Variants in ZMAT4 observed in about 807,000 individuals in gnomAD.
The protein encoded by ZMAT4 is zinc finger matrin-type protein 4.
Under a neutral mutation model 28.7 loss-of-function variants are expected in ZMAT4, and 17 were observed. The observed-to-expected ratio is 0.59, with a 90% CI of 0.41 to 0.89. The LOEUF (loss-of-function observed/expected upper bound fraction) is 0.89, where lower values mean the gene tolerates loss of function less well. Among genes scored for constraint, ZMAT4 ranks in the 40% least tolerant of loss-of-function variants. The pLI, the probability that ZMAT4 is intolerant of heterozygous loss-of-function variation, is 0.00. For synonymous variants in ZMAT4, 117 were observed against 109.2 expected (o/e 1.07, Z -0.44); for missense variants, 240 against 283.8 (o/e 0.85, Z 1.11).
At chr8:40,753,477 GC>G (rs1812541928) in intron 3 of ZMAT4, among the ~76,000 whole-genome samples, 2 of 152,040 alleles carry the variant, frequency 1.3e-5, no homozygotes, top group African/African-American at 4.8e-5. Context: ...TTTATTCTAA[GC>G]TTTCCACTAT....
chr8:40,549,600 G>T (rs147294039), intron 6 of ZMAT4, among the ~76,000 whole-genome samples: 22 of 152,232 alleles, frequency 1.4e-4, no homozygotes, highest in African/African-American at 4.6e-4. Flanking sequence ...TGGTGATCCA[G>T]TGATGTTAAT....
chr8:40,716,047 A>G (rs923562044), intron 3 of ZMAT4, among the ~76,000 whole-genome samples: 4 of 152,192 alleles, frequency 2.6e-5, no homozygotes, highest in African/African-American at 4.8e-5. Context: ...TCCAATTTCC[A>G]CTGCTATCTT....
intron 5 of ZMAT4, among the ~76,000 whole-genome samples, chr8:40,631,828 T>A (rs1806594026): frequency 6.6e-6 from 1 of 152,164 alleles, no homozygotes; most frequent in African/African-American, 2.4e-5. Flanking sequence ...GTAAAAGGTG[T>A]CTGAACACAA....
At chr8:40,813,361 A>G (rs567255453) in intron 2 of ZMAT4, among the ~76,000 whole-genome samples, 1 of 152,338 alleles carries the variant, frequency 6.6e-6, no homozygotes, top group African/African-American at 2.4e-5. Flanking sequence ...TAAAATCAGG[A>G]AGGGTAAAGT....
chr8:40,680,700 GTACACACACACACACA>G (rs1809121996), intron 4 of ZMAT4, among the ~76,000 whole-genome samples: 1 of 149,094 alleles, frequency 6.7e-6, no homozygotes, highest in Admixed American at 6.7e-5. Context: ...CATGTCTAAT[GTACACACACACACACA>G]CACACACACA....
intron 1 of ZMAT4, among the ~76,000 whole-genome samples, chr8:40,879,066 A>T (rs1818135324): frequency 6.6e-6 from 1 of 152,224 alleles, no homozygotes; most frequent in Non-Finnish European, 1.5e-5. Flanking sequence ...AAACGAGGAC[A>T]GGCAATGCAC....
Position 40,736,368 on chromosome 8 carries a change from A to T in ZMAT4, c.192+31273T>A, listed in dbSNP as rs73613407. ...ACAAATGTCAGTCAGGCAATGGCAG[A>T]TATTACCCAGAACTCTTGCTTTCCT... On this transcript the variant is annotated intron_variant, in intron 3 of 6. Coordinates refer to ENST00000297737, the MANE Select transcript of ZMAT4 (RefSeq NM_024645.3). Among the ~76,000 whole-genome samples the T allele has an allele frequency of 9.3e-3, 1,412 of 152,312 alleles. 22 individuals carry two copies. The highest frequency in any genetic ancestry group is 0.032 in the African/African-American group (1,311 of 41,556).
intron 5 of ZMAT4, among the ~76,000 whole-genome samples, chr8:40,640,370 T>C (rs2599653): frequency 0.55 from 84,285 of 152,004 alleles, 24,244 homozygotes; most frequent in East Asian, 0.69. Context: ...ATTTATTTAG[T>C]GATACTTGAA....
At chr8:40,705,953 T>G (rs1431506966) in intron 3 of ZMAT4, among the ~76,000 whole-genome samples, 1 of 152,242 alleles carries the variant, frequency 6.6e-6, no homozygotes, top group Non-Finnish European at 1.5e-5. Flanking sequence ...CAATTCAGAC[T>G]ATCTGCATTT....
In ZMAT4 at chr8:40,644,385, A is replaced by C. The variant is rs552217097; in HGVS notation, c.577+30319T>G. Among the ~76,000 whole-genome samples, 60 of 152,194 alleles carry C rather than the reference A, an allele frequency of 3.9e-4. 1 individual carries two copies. Among genetic ancestry groups the C allele is most frequent in the Middle Eastern group, 6.8e-3 (2 of 294 alleles). ...ATCTTGTTGTGCTGGAAAATAAGGA[A>C]GTACAGAAAAAACCACACACACCCA... On this transcript the variant is annotated intron_variant, in intron 5 of 6. Transcript: ENST00000297737.
At chr8:40,765,632 A>G (rs1038989210) in intron 3 of ZMAT4, among the ~76,000 whole-genome samples, 1 of 152,194 alleles carries the variant, frequency 6.6e-6, no homozygotes, top group Non-Finnish European at 1.5e-5. Context: ...TGAAATCCAA[A>G]CATCTTTCCC....
intron 5 of ZMAT4, among the ~76,000 whole-genome samples, chr8:40,642,368 A>G (rs1482179913): frequency 6.6e-6 from 1 of 152,188 alleles, no homozygotes; most frequent in Non-Finnish European, 1.5e-5. Flanking sequence ...AGAGTAGGAA[A>G]AATAATTAAA....
intron 3 of ZMAT4, among the ~76,000 whole-genome samples, chr8:40,764,301 T>C (rs989265436): frequency 6.6e-6 from 1 of 152,118 alleles, no homozygotes; most frequent in African/African-American, 2.4e-5. Flanking sequence ...ATTCTAAAGA[T>C]AAAAGCATGT....
intron 2 of ZMAT4, among the ~76,000 whole-genome samples, chr8:40,802,844 AG>A (rs1814912388): frequency 6.6e-6 from 1 of 152,232 alleles, no homozygotes; most frequent in African/African-American, 2.4e-5. Flanking sequence ...ACAGTAATAA[AG>A]ACAGTTTGGT....
intron 5 of ZMAT4, among the ~76,000 whole-genome samples, chr8:40,633,553 G>A (rs764759238): frequency 3.3e-5 from 5 of 152,184 alleles, no homozygotes; most frequent in Non-Finnish European, 7.3e-5. Flanking sequence ...GTCTGTCCTC[G>A]CTCCATGGCC....
chr8:40,753,725 T>C lies in ZMAT4; in HGVS notation c.192+13916A>G, dbSNP rs74944161. 1.4e-3 allele frequency among the ~76,000 whole-genome samples: 211 copies of C among 152,360 alleles called. 2 individuals carry two copies. The East Asian group carries it at 0.034, about 25-fold the overall frequency. On this transcript the variant is annotated intron_variant, in intron 3 of 6. Coordinates refer to ENST00000297737, the MANE Select transcript of ZMAT4 (RefSeq NM_024645.3). ...CCTCAGGTTCTAGAGCCAAACAGTA[T>C]TGAGTTTGAATCTTGGCTGTATCAC...
intron 5 of ZMAT4, among the ~76,000 whole-genome samples, chr8:40,644,125 T>C (rs1807186936): frequency 6.6e-6 from 1 of 152,116 alleles, no homozygotes; most frequent in African/African-American, 2.4e-5. Context: ...ACTCTAAGCT[T>C]ATAGTAGAGA....
intron 3 of ZMAT4, among the ~76,000 whole-genome samples, chr8:40,728,421 A>G (rs1448871954): frequency 6.6e-6 from 1 of 152,170 alleles, no homozygotes; most frequent in Non-Finnish European, 1.5e-5. Flanking sequence ...GTGGGTCCAT[A>G]CTGCATTCAG....
At chr8:40,754,228 T>C (rs919191718) in intron 3 of ZMAT4, among the ~76,000 whole-genome samples, 3 of 150,754 alleles carry the variant, frequency 2.0e-5, no homozygotes, top group Non-Finnish European at 2.9e-5. Flanking sequence ...AGAGAGTATA[T>C]GCAATGATAT....
Sources: gnomAD v4.1 joint callset for allele counts (sites outside exome capture counted in the v4.1 genomes callset) on GRCh38, gnomAD v4.1.1 for gene constraint, MANE v1.5 for transcripts, NCBI Gene and HGNC (gene_info 2026-07-23, HGNC 2026-07-21) for gene names.